PEPD: variants seen among roughly 807,000 people sequenced by gnomAD.
PEPD encodes the protein peptidase D.
PEPD carries 53 observed loss-of-function variants against 60.7 expected under a neutral mutation model. That is an observed-to-expected ratio of 0.87 (90% CI 0.70 to 1.10). The LOEUF is 1.10. PEPD is among the 50% of genes least tolerant of loss of function. The pLI, the probability that PEPD is intolerant of heterozygous loss-of-function variation, is 0.00. For missense variants in PEPD, 711 were observed against 711.9 expected (o/e 1.00, Z 0.01); for synonymous variants, 267 against 284.1 (o/e 0.94, Z 0.60).
intron 12 of PEPD, among the ~76,000 whole-genome samples, chr19:33,393,548 G>A (rs1447369143): frequency 2.4e-5 from 3 of 126,026 alleles, no homozygotes; most frequent in South Asian, 2.3e-4. Flanking sequence ...CTCAGCTGCC[G>A]CTGGTCAAAC....
intron 9 of PEPD, among the ~76,000 whole-genome samples, chr19:33,462,583 T>C (rs922271167): frequency 6.6e-6 from 1 of 152,208 alleles, no homozygotes; most frequent in Admixed American, 6.5e-5. Context: ...CAGAGCTCTT[T>C]ATGGGCCATT....
rs867996509 is a variant in PEPD, at chr19:33,394,180, C to T, written c.968-2701G>A. On this transcript the variant is annotated intron_variant, in intron 12 of 14. Transcript: ENST00000244137. ...GCTGGGAGGCCTCCTGTGAGTGGCT[C>T]GTGCCCCAAGCCCAGCTCAACTGCT... 3.9e-5 allele frequency among the ~76,000 whole-genome samples: 6 copies of T among 152,344 alleles called. 1 individual carries two copies. Among genetic ancestry groups the T allele is most frequent in the East Asian group, 1.9e-4 (1 of 5,174 alleles).
intron 1 of PEPD, among the ~76,000 whole-genome samples, chr19:33,518,854 T>C (rs1971076685): frequency 6.6e-6 from 1 of 152,152 alleles, no homozygotes; most frequent in South Asian, 2.1e-4. Flanking sequence ...AACTGAGTGT[T>C]CTGGAGTTCT....
At chr19:33,391,581 AGGGCCT>A in intron 12 of PEPD, 102 bp from the exon 13 acceptor site, 1 of 1,093,032 alleles carries the variant, frequency 9.1e-7, no homozygotes, top group East Asian at 2.6e-5. Flanking sequence ...CTGTGGTGGG[AGGGCCT>A]GAGGTGGGGG....
intron 1 of PEPD, among the ~76,000 whole-genome samples, chr19:33,517,467 GA>G (rs1420792621): frequency 6.6e-6 from 1 of 151,688 alleles, no homozygotes; most frequent in African/African-American, 2.4e-5. Context: ...GCTGAGGCAG[GA>G]AAATCACTTG....
intron 6 of PEPD, among the ~76,000 whole-genome samples, chr19:33,483,969 T>C (rs376771383): frequency 7.1e-4 from 108 of 152,308 alleles, no homozygotes; most frequent in African/African-American, 2.6e-3. Flanking sequence ...AACACCTATG[T>C]AATGCCATGG....
At chr19:33,504,803 G>A (rs1180748598) in intron 3 of PEPD, among the ~76,000 whole-genome samples, 1 of 152,034 alleles carries the variant, frequency 6.6e-6, no homozygotes, top group East Asian at 1.9e-4. Flanking sequence ...GGGAGGATGG[G>A]TCAGCAGAGA....
chr19:33,399,209 C>CA (rs2145341932), intron 12 of PEPD, among the ~76,000 whole-genome samples: 1 of 152,310 alleles, frequency 6.6e-6, no homozygotes, highest in South Asian at 2.1e-4. Context: ...TGCTGGTCTT[C>CA]AACTCCTGAC....
At chr19:33,469,451 C>T (rs76517094) in intron 7 of PEPD, among the ~76,000 whole-genome samples, 1,705 of 152,274 alleles carry the variant, frequency 0.011, 35 homozygotes, top group African/African-American at 0.038. Flanking sequence ...CTGCCCCCCA[C>T]GGGAGCCGCC....
intron 7 of PEPD, among the ~76,000 whole-genome samples, chr19:33,466,975 G>A (rs1049753173): frequency 6.6e-6 from 1 of 151,834 alleles, no homozygotes; most frequent in African/African-American, 2.4e-5. Flanking sequence ...GGCTAACACG[G>A]TGAAACCCCA....
intron 12 of PEPD, among the ~76,000 whole-genome samples, chr19:33,401,054 C>G (rs1317294695): frequency 6.6e-6 from 1 of 152,056 alleles, no homozygotes; most frequent in Non-Finnish European, 1.5e-5. Flanking sequence ...TCAAGAGGTA[C>G]CAGTGGGGCC....
At chr19:33,433,642 A>G (rs12975240) in intron 9 of PEPD, among the ~76,000 whole-genome samples, 35,554 of 152,150 alleles carry the variant, frequency 0.23, 4,760 homozygotes, top group Non-Finnish European at 0.31. Context: ...CTTCTAATAG[A>G]CTCGATATTC....
At chr19:33,506,332 AC>A (rs1306536976) in intron 3 of PEPD, among the ~76,000 whole-genome samples, 1 of 129,566 alleles carries the variant, frequency 7.7e-6, no homozygotes, top group Non-Finnish European at 1.6e-5. Context: ...CTACACACAC[AC>A]CCACACACAA....
intron 6 of PEPD, among the ~76,000 whole-genome samples, chr19:33,489,304 G>A (rs555634809): frequency 9.2e-5 from 14 of 152,274 alleles, no homozygotes; most frequent in Admixed American, 3.9e-4. Flanking sequence ...GCTGAGAGCC[G>A]GGTTGGAAGG....
rs200183031 is a variant in PEPD, at chr19:33,391,353, G to A, written c.1094C>T (p.Pro365Leu). ...GCCCAGGAAGTGGCCAAGCCCGTGA[G>A]GCATAAACACGGCCCCCAGGTGAGC... ...VQAHLGAVFM[P>L]HGLGHFLGID... Residue 365 changes from proline (P) to leucine (L), a missense_variant, in exon 13 of 15, where the codon CCT becomes CTT. Pro to Leu is a moderately conservative substitution (Grantham distance 98). Coordinates refer to ENST00000244137, the MANE Select transcript of PEPD (RefSeq NM_000285.4). The A allele has an allele frequency of 2.9e-4, 460 of 1,610,938 alleles. 2 individuals carry two copies. Among genetic ancestry groups the A allele is most frequent in the Middle Eastern group, 9.9e-4 (6 of 6,058 alleles).
chr19:33,406,561 G>A (rs768808980), intron 11 of PEPD, among the ~76,000 whole-genome samples: 1 of 152,234 alleles, frequency 6.6e-6, no homozygotes, highest in Admixed American at 6.5e-5. Flanking sequence ...GTGGGGGAGA[G>A]CTGGGCTGGG....
chr19:33,431,112 A>G (rs1172113370), intron 9 of PEPD, among the ~76,000 whole-genome samples: 1 of 147,554 alleles, frequency 6.8e-6, no homozygotes, highest in South Asian at 2.3e-4. Context: ...CCTATGAAGG[A>G]AGGGAGGAAG....
chr19:33,445,547 T>A (rs759628967), intron 9 of PEPD, among the ~76,000 whole-genome samples: 1 of 152,138 alleles, frequency 6.6e-6, no homozygotes, highest in African/African-American at 2.4e-5. Flanking sequence ...CATGAGGACA[T>A]GGCAAGAAGG....
intron 12 of PEPD, chr19:33,396,299 G>A (rs1333160255): frequency 1.3e-5 from 2 of 152,292 alleles, no homozygotes; most frequent in East Asian, 1.9e-4. Flanking sequence ...TGGCTGGGAG[G>A]GGAGCAAAGC....
Sources: allele counts gnomAD v4.1 joint callset (sites outside exome capture counted in the v4.1 genomes callset), GRCh38; gene constraint gnomAD v4.1.1; transcripts MANE v1.5; gene names NCBI Gene and HGNC (gene_info 2026-07-23, HGNC 2026-07-21).